The following EPHB1 variants were observed in gnomAD, a reference collection of about 807,000 sequenced individuals.
EPHB1 encodes the protein ephrin type-B receptor 1.
Under a neutral mutation model 94.4 loss-of-function variants are expected in EPHB1, and 30 were observed. That is an observed-to-expected ratio of 0.32 (90% confidence interval 0.24 to 0.43). The LOEUF (loss-of-function observed/expected upper bound fraction) is 0.43, where lower values mean the gene tolerates loss of function less well. EPHB1 is among the 20% of genes least tolerant of loss of function. The pLI, the probability that EPHB1 is intolerant of heterozygous loss-of-function variation, is 1.00. For synonymous variants in EPHB1, 522 were observed against 489.1 expected (o/e 1.07, Z -0.89); for missense variants, 1,055 against 1,308.3 (o/e 0.81, Z 2.99).
At chr3:134,833,211 G>A (rs2036609019) in intron 1 of EPHB1, among the ~76,000 whole-genome samples, 1 of 152,166 alleles carries the variant, frequency 6.6e-6, no homozygotes, top group African/African-American at 2.4e-5. Flanking sequence ...GAGGACTTAG[G>A]GACAAATCCA....
chr3:135,202,157 T>C (rs555690905), intron 12 of EPHB1, among the ~76,000 whole-genome samples: 3 of 152,324 alleles, frequency 2.0e-5, no homozygotes, highest in African/African-American at 7.2e-5. Context: ...GTCAACACGA[T>C]GAGTACTCTT....
At chr3:134,827,892 G>A (rs1293073994) in intron 1 of EPHB1, among the ~76,000 whole-genome samples, 1 of 152,262 alleles carries the variant, frequency 6.6e-6, no homozygotes, top group Non-Finnish European at 1.5e-5. Flanking sequence ...CTGCCTCTCT[G>A]CCTGGCATCC....
intron 1 of EPHB1, among the ~76,000 whole-genome samples, chr3:134,854,951 C>T (rs777785365): frequency 6.6e-6 from 1 of 152,158 alleles, no homozygotes; most frequent in Non-Finnish European, 1.5e-5. Context: ...CCTGCCCACT[C>T]CTTGGGACAA....
At chr3:134,925,692 C>T in intron 1 of EPHB1, 124 bp from the exon 2 acceptor site, 1 of 754,046 alleles carries the variant, frequency 1.3e-6, no homozygotes. Flanking sequence ...CTTGAAGATG[C>T]ACAAACCTCC....
At chr3:135,153,881 C>T (rs187376229) in intron 5 of EPHB1, among the ~76,000 whole-genome samples, 1 of 152,308 alleles carries the variant, frequency 6.6e-6, no homozygotes, top group African/African-American at 2.4e-5. Flanking sequence ...TTTGGTCAAG[C>T]CTTGCCACCT....
intron 1 of EPHB1, among the ~76,000 whole-genome samples, chr3:134,890,181 A>G (rs1268196671): frequency 6.6e-6 from 1 of 152,018 alleles, no homozygotes; most frequent in Non-Finnish European, 1.5e-5. Context: ...ATTTCCATGC[A>G]TTTTATTCAT....
intron 3 of EPHB1, among the ~76,000 whole-genome samples, chr3:134,975,407 A>G (rs1371880794): frequency 1.3e-5 from 2 of 152,168 alleles, no homozygotes; most frequent in Non-Finnish European, 2.9e-5. Context: ...CAGAAATACT[A>G]TAGGCTGTAA....
rs115944174 is a variant in EPHB1 at position 134,944,169 on chromosome 3, G to C, written c.124-7202G>C. On this transcript the variant is annotated intron_variant, in intron 2 of 15. Transcript: ENST00000398015. Reference sequence around the variant, plus strand: ...CAAATACTAACATACCTCTCTGTCTGTAGATTTGCCTCTTCTGAACATTTC... The same window carrying C: ...CAAATACTAACATACCTCTCTGTCTCTAGATTTGCCTCTTCTGAACATTTC... Among the ~76,000 whole-genome samples, 400 of 152,286 alleles carry C rather than the reference G, an allele frequency of 2.6e-3. 4 individuals carry two copies. The highest frequency in any genetic ancestry group is 4.7e-3 in the Non-Finnish European group (322 of 68,020).
chr3:135,216,726 G>GA (rs386397987), intron 12 of EPHB1, among the ~76,000 whole-genome samples: 65,437 of 104,564 alleles, frequency 0.63, 20,098 homozygotes, highest in East Asian at 0.74. Context: ...CTGTCTCAGG[G>GA]AAAAAAAAAA....
intron 5 of EPHB1, among the ~76,000 whole-genome samples, chr3:135,135,898 A>G (rs564443047): frequency 6.6e-6 from 1 of 152,218 alleles, no homozygotes; most frequent in Non-Finnish European, 1.5e-5. Flanking sequence ...AATAATTATT[A>G]TAGTTAACAC....
chr3:134,858,658 C>A (rs2037178024), intron 1 of EPHB1, among the ~76,000 whole-genome samples: 1 of 152,188 alleles, frequency 6.6e-6, no homozygotes, highest in Admixed American at 6.5e-5. Flanking sequence ...TCTGGAAAGG[C>A]TGCTAAAAAT....
At chr3:134,890,179 G>A (rs993854820) in intron 1 of EPHB1, among the ~76,000 whole-genome samples, 1 of 152,002 alleles carries the variant, frequency 6.6e-6, no homozygotes, top group African/African-American at 2.4e-5. Context: ...GTATTTCCAT[G>A]CATTTTATTC....
chr3:135,183,046 CTTTCTT>C (rs1942213797), intron 10 of EPHB1, among the ~76,000 whole-genome samples: 1 of 79,114 alleles, frequency 1.3e-5, no homozygotes, highest in African/African-American at 5.3e-5. Context: ...TTCTTTCTTT[CTTTCTT>C]TCTTTCTTTC....
chr3:134,910,774 A>T (rs987339072), intron 1 of EPHB1, among the ~76,000 whole-genome samples: 3 of 152,162 alleles, frequency 2.0e-5, no homozygotes, highest in African/African-American at 7.2e-5. Context: ...CAGAACTATG[A>T]TCTCACAGAC....
chr3:134,873,061 T>A (rs1240008649), intron 1 of EPHB1, among the ~76,000 whole-genome samples: 1 of 152,192 alleles, frequency 6.6e-6, no homozygotes, highest in Non-Finnish European at 1.5e-5. Flanking sequence ...CACCTGAAAT[T>A]TTCTATCTCA....
chr3:135,115,903 C>T (rs900202294), intron 4 of EPHB1, among the ~76,000 whole-genome samples: 1 of 152,064 alleles, frequency 6.6e-6, no homozygotes, highest in African/African-American at 2.4e-5. Flanking sequence ...TTTTGAGTCT[C>T]TAAGATATGC....
chr3:135,040,126 A>G (rs1936786888), intron 3 of EPHB1, among the ~76,000 whole-genome samples: 1 of 152,182 alleles, frequency 6.6e-6, no homozygotes, highest in East Asian at 1.9e-4. Context: ...TTTGGAGTCA[A>G]GTTTCTTGGG....
At chr3:135,258,014 G>A (rs1217845134) in intron 15 of EPHB1, among the ~76,000 whole-genome samples, 1 of 152,166 alleles carries the variant, frequency 6.6e-6, no homozygotes, top group Non-Finnish European at 1.5e-5. Flanking sequence ...GACTAGGAAA[G>A]GGAACTCCCT....
chr3:135,249,262 CTG>C (rs1932963087), intron 14 of EPHB1, 72 bp from the exon 15 acceptor site: 2 of 1,501,674 alleles, frequency 1.3e-6, no homozygotes, highest in Non-Finnish European at 1.8e-6. Context: ...ATGAAGTCAG[CTG>C]TCAGGCCAGA....
Sources: gnomAD v4.1 joint callset for allele counts (sites outside exome capture counted in the v4.1 genomes callset) on GRCh38, gnomAD v4.1.1 for gene constraint, MANE v1.5 for transcripts, NCBI Gene and HGNC (gene_info 2026-07-23, HGNC 2026-07-21) for gene names.